Variants in VPS39 observed in about 807,000 individuals in gnomAD.
VPS39 encodes the protein vam6/Vps39-like protein.
Under a neutral mutation model 121.0 loss-of-function variants are expected in VPS39, and 70 were observed. That is an observed-to-expected ratio of 0.58 (90% CI 0.48 to 0.71). The LOEUF is 0.71. VPS39 is among the 30% of genes least tolerant of loss of function. VPS39 has a pLI of 0.00. For missense variants in VPS39, 818 were observed against 1,051.5 expected, an observed-to-expected ratio of 0.78 and a Z score of 3.07; for synonymous variants, 378 against 398.1, an observed-to-expected ratio of 0.95 and a Z score of 0.60.
chr15:42,200,989 A>C (rs1235439781), intron 1 of VPS39, among the ~76,000 whole-genome samples: 1 of 152,204 alleles, frequency 6.6e-6, no homozygotes, highest in African/African-American at 2.4e-5. Context: ...TGTCCAGAGT[A>C]GGCAAATCCA....
chr15:42,180,966 T>C (rs1455729908), intron 8 of VPS39, among the ~76,000 whole-genome samples: 1 of 152,124 alleles, frequency 6.6e-6, no homozygotes, highest in Non-Finnish European at 1.5e-5. Flanking sequence ...TGGTGGTTCC[T>C]CAGAAAATTA....
chr15:42,161,631 C>G, intron 24 of VPS39, 51 bp downstream of exon 24: 1 of 1,583,172 alleles, frequency 6.3e-7, no homozygotes, highest in Non-Finnish European at 8.7e-7. Context: ...TTCTCCACCC[C>G]TGGGAACCTC....
intron 7 of VPS39, among the ~76,000 whole-genome samples, chr15:42,186,066 T>G (rs991793450): frequency 2.6e-5 from 4 of 152,072 alleles, no homozygotes; most frequent in Non-Finnish European, 4.4e-5. Flanking sequence ...CAGCAGTGAC[T>G]CCTCCAGGAG....
intron 11 of VPS39, among the ~76,000 whole-genome samples, chr15:42,170,775 CAG>C (rs999848868): frequency 3.9e-5 from 1 of 25,636 alleles, no homozygotes; most frequent in Admixed American, 4.7e-4. Flanking sequence ...TTTTTTGAGA[CAG>C]GGTTTTGCTC....
At chr15:42,187,486 A>C (rs2049728106) in intron 6 of VPS39, 123 bp from the exon 7 acceptor site, 2 of 860,968 alleles carry the variant, frequency 2.3e-6, no homozygotes, top group South Asian at 3.6e-5. Context: ...ACAATTCTAC[A>C]GGCACAAGGC....
At chr15:42,191,036 T>TA in intron 4 of VPS39, 89 bp downstream of exon 4, 1 of 1,475,608 alleles carries the variant, frequency 6.8e-7, no homozygotes, top group Non-Finnish European at 9.5e-7. Context: ...CATTGTTAAG[T>TA]AACCACTATC....
At chr15:42,164,639 A>T in intron 18 of VPS39, 153 bp from the exon 19 acceptor site, 1 of 1,443,370 alleles carries the variant, frequency 6.9e-7, no homozygotes, top group Non-Finnish European at 9.0e-7. Flanking sequence ...TTTAGTTCAT[A>T]GTCTCCATGT....
intron 11 of VPS39, among the ~76,000 whole-genome samples, 157 bp from the exon 12 acceptor site, chr15:42,170,023 T>C (rs1341538676): frequency 1.3e-5 from 2 of 151,810 alleles, no homozygotes; most frequent in African/African-American, 2.4e-5. Context: ...TGTAGACTTA[T>C]GATTTGAGCA....
At chr15:42,167,332 T>G in intron 13 of VPS39, 62 bp downstream of exon 13, 1 of 1,593,762 alleles carries the variant, frequency 6.3e-7, no homozygotes, top group Non-Finnish European at 8.6e-7. Flanking sequence ...GCACTCCCTT[T>G]TACTTTCCCA....
intron 24 of VPS39, 109 bp from the exon 25 acceptor site, chr15:42,160,938 G>T: frequency 8.9e-7 from 1 of 1,124,142 alleles, no homozygotes; most frequent in Non-Finnish European, 1.3e-6. Flanking sequence ...CATTCCAAAA[G>T]CAGCCCACCC....
At chr15:42,201,214 T>G (rs1566912196) in intron 1 of VPS39, among the ~76,000 whole-genome samples, 1 of 152,204 alleles carries the variant, frequency 6.6e-6, no homozygotes, top group Admixed American at 6.5e-5. Flanking sequence ...TCTACTCTGT[T>G]GCCCAGGCTA....
At chr15:42,173,585 GA>G in intron 11 of VPS39, 137 bp downstream of exon 11, 1 of 1,146,098 alleles carries the variant, frequency 8.7e-7, no homozygotes, top group Non-Finnish European at 1.2e-6. Flanking sequence ...CACCCCACAG[GA>G]TCTTGCTAGG....
intron 12 of VPS39, among the ~76,000 whole-genome samples, chr15:42,168,416 G>C (rs1451155213): frequency 2.6e-5 from 4 of 152,248 alleles, no homozygotes; most frequent in South Asian, 4.1e-4. Flanking sequence ...GCCCCAGGAG[G>C]GTACCCCTGG....
intron 2 of VPS39, among the ~76,000 whole-genome samples, chr15:42,196,184 A>G (rs2049934200): frequency 6.6e-6 from 1 of 152,172 alleles, no homozygotes; most frequent in Admixed American, 6.5e-5. Flanking sequence ...GATGGATTAA[A>G]GACTTAAATG....
chr15:42,163,253 C>A, intron 21 of VPS39, 97 bp downstream of exon 21: 1 of 1,433,248 alleles, frequency 7.0e-7, no homozygotes, highest in Non-Finnish European at 9.8e-7. Flanking sequence ...CTGACTCGTG[C>A]CCTGTCTTAT....
rs1354830143 is a variant in VPS39 at position 42,166,824 on chromosome 15, GTGAGCCT to G, written c.1460_1466del (p.Lys487ThrfsTer34). 6.2e-7 allele frequency: 1 copy of G among 1,614,226 alleles called. No individual in the cohort carries two copies. The highest frequency in any genetic ancestry group is 1.1e-5 in the South Asian group (1 of 91,080). The stretch of plus-strand genomic sequence containing the variant: ...ACAGGATGATAAGCTCACTGTACTT[GTGAGCCT>G]TCTTTAGCACGTGCTCGCTCTCCTC... On this transcript the variant is annotated frameshift_variant, in exon 14 of 25. Coordinates refer to ENST00000318006, the MANE Select transcript of VPS39 (RefSeq NM_015289.5). LOFTEE classifies it high-confidence loss of function.
chr15:42,161,485 G>C, intron 24 of VPS39, 197 bp downstream of exon 24: 1 of 713,774 alleles, frequency 1.4e-6, no homozygotes, highest in Non-Finnish European at 2.5e-6. Flanking sequence ...ATACATTGCA[G>C]GTCTTTAAAT....
intron 12 of VPS39, 149 bp from the exon 13 acceptor site, chr15:42,167,686 A>G: frequency 1.1e-6 from 1 of 946,708 alleles, no homozygotes; most frequent in South Asian, 1.8e-5. Flanking sequence ...CCAAATTGCC[A>G]CAGAGACAAC....
intron 8 of VPS39, among the ~76,000 whole-genome samples, chr15:42,179,755 G>A (rs1442730118): frequency 6.6e-6 from 1 of 152,034 alleles, no homozygotes; most frequent in East Asian, 1.9e-4. Context: ...GATTTTCACA[G>A]AGAAAAGGTG....
Sources: gnomAD v4.1 joint callset for allele counts (sites outside exome capture counted in the v4.1 genomes callset) on GRCh38, gnomAD v4.1.1 for gene constraint, MANE v1.5 for transcripts, NCBI Gene and HGNC (gene_info 2026-07-23, HGNC 2026-07-21) for gene names.